UNC13C: variants seen among roughly 807,000 people sequenced by gnomAD.
The protein encoded by UNC13C is protein unc-13 homolog C.
In UNC13C, 174 loss-of-function variants were observed where a neutral mutation model predicts 245.4. The observed-to-expected ratio is 0.71, with a 90% CI of 0.63 to 0.80. The LOEUF (loss-of-function observed/expected upper bound fraction) is 0.80, where lower values mean the gene tolerates loss of function less well. UNC13C is among the 30% of genes least tolerant of loss of function. The pLI, the probability that UNC13C is intolerant of heterozygous loss-of-function variation, is 0.00. For missense variants in UNC13C, 2,829 were observed against 2,602.9 expected (o/e 1.09, Z -1.89); for synonymous variants, 992 against 895.1 (o/e 1.11, Z -1.93).
In UNC13C at chr15:54,447,720, A is replaced by G. The variant is rs1305718566; in HGVS notation, c.4933+32653A>G. On this transcript the variant is annotated intron_variant, in intron 19 of 32. Transcript: ENST00000260323. ...CAATTTTGTTGATCTTTTCAAAAAA[A>G]CCAGCTCCTGGATTCCCTGATTTTT... Among the ~76,000 whole-genome samples, 8 of 152,260 alleles carry G rather than the reference A, an allele frequency of 5.3e-5. No individual in the cohort carries two copies. In the South Asian group the frequency reaches 1.0e-3, roughly 20 times the overall value.
chr15:53,933,760 C>G, the UNC13C span, among the ~76,000 whole-genome samples: 9 of 152,138 alleles, frequency 5.9e-5, no homozygotes, highest in African/African-American at 2.2e-4. Context: ...ATCTGGTGAC[C>G]ATTTATTGAA....
chr15:54,321,577 C>T (rs1252596443), intron 13 of UNC13C: 4 of 386,794 alleles, frequency 1.0e-5, no homozygotes, highest in African/African-American at 2.1e-5. Flanking sequence ...CCCGTCACCC[C>T]TCAGACTCAC....
chr15:54,225,025 T>G (rs2140795611), intron 4 of UNC13C, among the ~76,000 whole-genome samples: 1 of 133,950 alleles, frequency 7.5e-6, no homozygotes, highest in Admixed American at 7.1e-5. Context: ...TACTTGTGTC[T>G]TCTTTTTTTT....
chr15:54,146,511 A>G (rs1394031608), intron 4 of UNC13C, among the ~76,000 whole-genome samples: 1 of 152,236 alleles, frequency 6.6e-6, no homozygotes, highest in African/African-American at 2.4e-5. Context: ...CAGAAAAGAC[A>G]TGGCAAATGT....
At chr15:54,372,816 A>G (rs563092215) in intron 17 of UNC13C, among the ~76,000 whole-genome samples, 2 of 152,218 alleles carry the variant, frequency 1.3e-5, no homozygotes, top group Non-Finnish European at 2.9e-5. Context: ...GCAGTGGTAG[A>G]AGCATTCTAT....
At position 54,333,841 on chromosome 15, in the gene UNC13C, C is replaced by CT; in HGVS notation, c.4575dup (p.Arg1526Ter). 1 of 1,602,000 alleles carries CT rather than the reference C, an allele frequency of 6.2e-7. No individual in the cohort carries two copies. The highest frequency in any genetic ancestry group is 8.5e-7 in the Non-Finnish European group (1 of 1,173,212). On this transcript the variant is annotated frameshift_variant, in exon 16 of 33. Transcript: ENST00000260323. LOFTEE classifies it high-confidence loss of function. Reference sequence around the variant, plus strand: ...CTGTTGACCTGTTAACAAGTATCACCTTTTTTAGGATGAAGGTATCTCATT... The same window carrying CT: ...CTGTTGACCTGTTAACAAGTATCACCTTTTTTTAGGATGAAGGTATCTCATT...
intron 28 of UNC13C, 69 bp downstream of exon 28, chr15:54,549,760 C>A (rs1222522466): frequency 2.1e-6 from 2 of 955,292 alleles, no homozygotes; most frequent in Admixed American, 2.3e-5. Flanking sequence ...CAAGCATCCT[C>A]CTCCTAGTAA....
At chr15:54,578,513 G>C (rs1416127629) in intron 30 of UNC13C, among the ~76,000 whole-genome samples, 3 of 152,048 alleles carry the variant, frequency 2.0e-5, no homozygotes, top group Non-Finnish European at 2.9e-5. Flanking sequence ...ACTAAGATTG[G>C]TTTAAATAAT....
intron 13 of UNC13C, among the ~76,000 whole-genome samples, 179 bp downstream of exon 13, chr15:54,300,552 T>A (rs2037552762): frequency 6.6e-6 from 1 of 152,166 alleles, no homozygotes; most frequent in South Asian, 2.1e-4. Context: ...GACTTGGTAA[T>A]TCACTACCAC....
chr15:53,838,798 G>A, the UNC13C span, among the ~76,000 whole-genome samples: 1 of 151,904 alleles, frequency 6.6e-6, no homozygotes, highest in Admixed American at 6.6e-5. Context: ...GTTAAAACAT[G>A]TAAACGTTTA....
chr15:54,608,172 T>C (rs1428610977), intron 30 of UNC13C, among the ~76,000 whole-genome samples: 1 of 152,308 alleles, frequency 6.6e-6, no homozygotes, highest in East Asian at 1.9e-4. Context: ...ACTATAAACA[T>C]TAAATGAGTT....
intron 10 of UNC13C, among the ~76,000 whole-genome samples, chr15:54,285,017 A>G (rs993251733): frequency 6.6e-6 from 1 of 152,134 alleles, no homozygotes; most frequent in African/African-American, 2.4e-5. Context: ...TGTAGTTTAT[A>G]AGGTCATATT....
chr15:54,293,161 G>T (rs1044106669), intron 10 of UNC13C, among the ~76,000 whole-genome samples: 22 of 151,820 alleles, frequency 1.4e-4, no homozygotes, highest in African/African-American at 4.8e-4. Flanking sequence ...TCAATAAGTT[G>T]CAGGAAAAGT....
At chr15:54,547,981 G>A (rs1436258592) in intron 27 of UNC13C, among the ~76,000 whole-genome samples, 1 of 151,882 alleles carries the variant, frequency 6.6e-6, no homozygotes, top group African/African-American at 2.4e-5. Flanking sequence ...AACTTCAGCC[G>A]AAAAAGAAAA....
intron 24 of UNC13C, among the ~76,000 whole-genome samples, chr15:54,513,730 CG>C (rs1894852692): frequency 6.6e-6 from 1 of 152,158 alleles, no homozygotes; most frequent in Non-Finnish European, 1.5e-5. Flanking sequence ...AAGAAGAAAG[CG>C]TAAATAAATC....
intron 19 of UNC13C, among the ~76,000 whole-genome samples, chr15:54,444,866 G>A (rs1188235536): frequency 6.6e-6 from 1 of 151,756 alleles, no homozygotes; most frequent in African/African-American, 2.4e-5. Flanking sequence ...TGTACAACGT[G>A]CAGGTTTGTT....
At chr15:54,545,410 A>G (rs182129320) in intron 26 of UNC13C, among the ~76,000 whole-genome samples, 2 of 152,294 alleles carry the variant, frequency 1.3e-5, no homozygotes, top group African/African-American at 4.8e-5. Context: ...TGACTAAAAC[A>G]CCAAAACCAA....
intron 30 of UNC13C, among the ~76,000 whole-genome samples, chr15:54,598,824 A>C (rs1403968033): frequency 6.6e-6 from 1 of 152,160 alleles, no homozygotes; most frequent in East Asian, 1.9e-4. Flanking sequence ...GCAGACACTC[A>C]GAAAATGTTA....
intron 2 of UNC13C, among the ~76,000 whole-genome samples, chr15:54,092,460 T>C (rs1480816797): frequency 6.6e-6 from 1 of 152,194 alleles, no homozygotes; most frequent in Non-Finnish European, 1.5e-5. Flanking sequence ...TTACATTCCA[T>C]TTCTTCTCAT....
Sources: gnomAD v4.1 joint callset for allele counts (sites outside exome capture counted in the v4.1 genomes callset) on GRCh38, gnomAD v4.1.1 for gene constraint, MANE v1.5 for transcripts, NCBI Gene and HGNC (gene_info 2026-07-23, HGNC 2026-07-21) for gene names.